Variants in GALNT18 observed in about 807,000 individuals in gnomAD.
The protein encoded by GALNT18 is GalNAc-transferase 18.
GALNT18 carries 44 observed loss-of-function variants against 69.5 expected under a neutral mutation model. That is an observed-to-expected ratio of 0.63 (90% CI 0.50 to 0.81). The LOEUF is 0.81. Ranked by LOEUF, GALNT18 falls within the 40% of genes least tolerant of loss-of-function variation. The pLI is 0.00. For synonymous variants in GALNT18, 364 were observed against 318.2 expected (o/e 1.14, Z -1.53); for missense variants, 715 against 810.0 (o/e 0.88, Z 1.42).
At position 11,465,889 on chromosome 11, in the gene GALNT18, A is replaced by G. The variant is rs957722559; in HGVS notation, c.236-16953T>C. ...CTGCCTTCTTCCCTGGCCTCACTGC[A>G]TGGCTCACCAGTGCTCTGCTCAACA... On this transcript the variant is annotated intron_variant, in intron 1 of 10. Coordinates refer to ENST00000227756, the MANE Select transcript of GALNT18 (RefSeq NM_198516.3). The surrounding 1 kb of genome is among the most constrained non-coding windows in gnomAD (Gnocchi z 5.7). 2.0e-5 allele frequency among the ~76,000 whole-genome samples: 3 copies of G among 152,132 alleles called. No homozygotes were observed. The highest frequency in any genetic ancestry group is 2.9e-5 in the Non-Finnish European group (2 of 68,030).
In GALNT18 at chr11:11,604,942, C is replaced by A. The variant is rs747962053; in HGVS notation, c.235+16417G>T. Among the ~76,000 whole-genome samples, 1 of 151,760 alleles carries A rather than the reference C, an allele frequency of 6.6e-6. No homozygotes were observed. Among genetic ancestry groups the A allele is most frequent in the Non-Finnish European group, 1.5e-5 (1 of 67,970 alleles). ...GCTATTGCTCCTGGCCGTGAGTCTGCGGAGGTAAAAAAAAAGAATGGAATA... is the reference window on the plus strand; with the variant it reads ...GCTATTGCTCCTGGCCGTGAGTCTGAGGAGGTAAAAAAAAAGAATGGAATA... On this transcript the variant is annotated intron_variant, in intron 1 of 10. Transcript: ENST00000227756. This position sits in a 1 kb window ranked among gnomAD's most constrained non-coding sequence, Gnocchi z 5.6.
Position 11,376,094 on chromosome 11 carries a change from A to T in GALNT18, c.977+1088T>A, listed in dbSNP as rs1853747755. On this transcript the variant is annotated intron_variant, in intron 5 of 10. Coordinates refer to ENST00000227756, the MANE Select transcript of GALNT18 (RefSeq NM_198516.3). Reference sequence around the variant, plus strand: ...CACCCACCGTATCATCAATATAGACAGAAATAGGCCAGGCGCAGTGGCTCA... The same window carrying T: ...CACCCACCGTATCATCAATATAGACTGAAATAGGCCAGGCGCAGTGGCTCA... Among the ~76,000 whole-genome samples the T allele has an allele frequency of 2.6e-5, 4 of 152,160 alleles. No homozygotes were observed. The South Asian group carries it at 8.3e-4, about 32-fold the overall frequency.
At chr11:11,457,943 A>G (rs1187721724) in intron 1 of GALNT18, among the ~76,000 whole-genome samples, 1 of 152,190 alleles carries the variant, frequency 6.6e-6, no homozygotes, top group Non-Finnish European at 1.5e-5. Context: ...TCCAGAACCC[A>G]GTGAGAGGAG....
chr11:11,286,600 G>T (rs79723900), intron 10 of GALNT18, among the ~76,000 whole-genome samples: 3 of 151,940 alleles, frequency 2.0e-5, no homozygotes, highest in East Asian at 1.9e-4. Flanking sequence ...TTGCACACAG[G>T]GGGGACTTTG....
Position 11,318,791 on chromosome 11 carries a change from C to T in GALNT18, c.1512+8295G>A, listed in dbSNP as rs1481154455. ...AGGCAAAAACAAAGAGGGGAAGTGG[C>T]CTGTCCTTTTAATATTATCCTGGGA... is the stretch of plus-strand genomic sequence containing the variant. On this transcript the variant is annotated intron_variant, in intron 9 of 10. Coordinates refer to ENST00000227756, the MANE Select transcript of GALNT18 (RefSeq NM_198516.3). The surrounding 1 kb of genome is among the most constrained non-coding windows in gnomAD (Gnocchi z 5.1). Among the ~76,000 whole-genome samples the T allele has an allele frequency of 1.3e-5, 2 of 152,138 alleles. No homozygotes were observed. Among genetic ancestry groups the T allele is most frequent in the Non-Finnish European group, 2.9e-5 (2 of 68,046 alleles).
chr11:11,341,967 AAT>A lies in GALNT18; in HGVS notation c.1093-965_1093-964del, dbSNP rs143402253. On this transcript the variant is annotated intron_variant, in intron 6 of 10. Coordinates refer to ENST00000227756, the MANE Select transcript of GALNT18 (RefSeq NM_198516.3). This position sits in a 1 kb window ranked among gnomAD's most constrained non-coding sequence, Gnocchi z 6.3. The stretch of plus-strand genomic sequence containing the variant: ...TGAGATCCTGTCTCTAAAACATTAA[AAT>A]TTTTTTTTTTTTAAAAAGACCTTGA... Among the ~76,000 whole-genome samples, 11,677 of 140,536 alleles carry A rather than the reference AAT, an allele frequency of 0.083. 1,036 individuals are homozygous for A. The highest frequency in any genetic ancestry group is 0.22 in the African/African-American group (9,003 of 40,334). The allele number at this position is 140,536 out of a possible 152,430, so 92.2% of individuals were successfully genotyped here.
intron 3 of GALNT18, among the ~76,000 whole-genome samples, chr11:11,410,242 G>T (rs12576920): frequency 0.14 from 20,973 of 152,146 alleles, 1,519 homozygotes; most frequent in South Asian, 0.26. Flanking sequence ...TCTAGCCCCA[G>T]GGTCTTGTGC....
chr11:11,499,517 G>A (rs1856931514), intron 1 of GALNT18, among the ~76,000 whole-genome samples: 1 of 152,082 alleles, frequency 6.6e-6, no homozygotes, highest in South Asian at 2.1e-4. Context: ...GCCTGTGCCT[G>A]TATTGCCCTG....
At chr11:11,510,692 CT>C (rs1328734276) in intron 1 of GALNT18, among the ~76,000 whole-genome samples, 5 of 152,210 alleles carry the variant, frequency 3.3e-5, no homozygotes, top group African/African-American at 1.2e-4. Flanking sequence ...TACTGTGCCA[CT>C]TTTCACACCA....
intron 6 of GALNT18, among the ~76,000 whole-genome samples, chr11:11,365,067 T>C (rs1007308494): frequency 1.3e-5 from 2 of 152,172 alleles, no homozygotes; most frequent in African/African-American, 2.4e-5. Context: ...GTGCAGAACA[T>C]GCAGGTTTGT....
chr11:11,302,706 G>C (rs185948361), intron 9 of GALNT18, among the ~76,000 whole-genome samples: 2 of 152,268 alleles, frequency 1.3e-5, no homozygotes, highest in African/African-American at 4.8e-5. Context: ...CGCAGGATGC[G>C]TGCTGCTGGC....
rs946125815 is a variant in GALNT18 at position 11,619,040 on chromosome 11, G to A, written c.235+2319C>T. ...CAAATTTTATAGGCCCTTTACCTCTGTTTCCTAAATCCCAGCTCAGGATGG... is the reference window on the plus strand; with the variant it reads ...CAAATTTTATAGGCCCTTTACCTCTATTTCCTAAATCCCAGCTCAGGATGG... On this transcript the variant is annotated intron_variant, in intron 1 of 10. Transcript: ENST00000227756. The surrounding 1 kb of genome is among the most constrained non-coding windows in gnomAD (Gnocchi z 4.9). Among the ~76,000 whole-genome samples, 3 of 152,110 alleles carry A rather than the reference G, an allele frequency of 2.0e-5. No homozygotes were observed. The highest frequency in any genetic ancestry group is 2.1e-4 in the South Asian group (1 of 4,822).
chr11:11,345,826 A>G (rs959591301), intron 6 of GALNT18, among the ~76,000 whole-genome samples: 35 of 152,302 alleles, frequency 2.3e-4, no homozygotes, highest in Non-Finnish European at 1.2e-4. Context: ...GTGTGGTCGC[A>G]GGGAACAGGG....
intron 1 of GALNT18, among the ~76,000 whole-genome samples, chr11:11,516,836 G>A (rs1857287579): frequency 6.6e-6 from 1 of 152,182 alleles, no homozygotes; most frequent in African/African-American, 2.4e-5. Context: ...AAGCTAAGGG[G>A]TAAATCATGG....
In GALNT18 at chr11:11,404,217, C is replaced by T. The variant is rs941812163; in HGVS notation, c.596-24953G>A. ...GCGTGCACGGCATGGAGCCAATTAT[C>T]GCTGCTCCAGGAAATGGGGATGGCA... On this transcript the variant is annotated intron_variant, in intron 3 of 10. Coordinates refer to ENST00000227756, the MANE Select transcript of GALNT18 (RefSeq NM_198516.3). This position sits in a 1 kb window ranked among gnomAD's most constrained non-coding sequence, Gnocchi z 4.5. Among the ~76,000 whole-genome samples the T allele has an allele frequency of 6.6e-6, 1 of 152,216 alleles. No homozygotes were observed. The highest frequency in any genetic ancestry group is 6.5e-5 in the Admixed American group (1 of 15,292).
rs1204551010 is a variant in GALNT18, at chr11:11,341,783, C to T, written c.1093-779G>A. ...ATTCTGCTGGTAATTTTAGAATGCCCCACTGCCCCCAACTCCTTCTTCAGC... is the reference window on the plus strand; with the variant it reads ...ATTCTGCTGGTAATTTTAGAATGCCTCACTGCCCCCAACTCCTTCTTCAGC... On this transcript the variant is annotated intron_variant, in intron 6 of 10. Coordinates refer to ENST00000227756, the MANE Select transcript of GALNT18 (RefSeq NM_198516.3). The surrounding 1 kb of genome is among the most constrained non-coding windows in gnomAD (Gnocchi z 6.3). 2.6e-5 allele frequency among the ~76,000 whole-genome samples: 4 copies of T among 151,920 alleles called. No individual in the cohort carries two copies. Among genetic ancestry groups the T allele is most frequent in the Admixed American group, 2.0e-4 (3 of 15,264 alleles).
At chr11:11,559,033 C>T (rs1858399266) in intron 1 of GALNT18, among the ~76,000 whole-genome samples, 1 of 152,214 alleles carries the variant, frequency 6.6e-6, no homozygotes, top group Admixed American at 6.5e-5. Flanking sequence ...GCCTCTGCTT[C>T]CTCATTTGGA....
At chr11:11,486,109 G>T (rs1437343082) in intron 1 of GALNT18, among the ~76,000 whole-genome samples, 1 of 152,196 alleles carries the variant, frequency 6.6e-6, no homozygotes, top group African/African-American at 2.4e-5. Flanking sequence ...CAGCATGCTG[G>T]AAGCTGTGAG....
chr11:11,580,352 C>T (rs1258678159), intron 1 of GALNT18, among the ~76,000 whole-genome samples: 3 of 152,200 alleles, frequency 2.0e-5, no homozygotes, highest in Non-Finnish European at 4.4e-5. Flanking sequence ...GCCCTGGGTC[C>T]TCCTCATCAA....
Sources: gnomAD v4.1 joint callset for allele counts (sites outside exome capture counted in the v4.1 genomes callset) on GRCh38, gnomAD v4.1.1 for gene constraint, Gnocchi (gnomAD v3.1) non-coding constraint, MANE v1.5 for transcripts, NCBI Gene and HGNC (gene_info 2026-07-23, HGNC 2026-07-21) for gene names.